The following MARCHF1 variants were observed in gnomAD, a reference collection of about 807,000 sequenced individuals.
The protein encoded by MARCHF1 is membrane associated ring-CH-type finger 1, also known as E3 ubiquitin-protein ligase MARCHF1.
A neutral mutation model predicts 54.2 loss-of-function variants in MARCHF1; 40 were observed. The ratio of observed to expected loss-of-function variants is 0.74; its 90% CI spans 0.57 to 0.96. MARCHF1 has a LOEUF of 0.96. Among genes scored for constraint, MARCHF1 ranks in the 40% least tolerant of loss-of-function variants. The pLI, the probability that MARCHF1 is intolerant of heterozygous loss-of-function variation, is 0.00. For synonymous variants in MARCHF1, 236 were observed against 236.3 expected (o/e 1.00, Z 0.01); for missense variants, 586 against 656.5 (o/e 0.89, Z 1.17).
At chr4:164,015,566 G>C (rs940396654) in intron 2 of MARCHF1, among the ~76,000 whole-genome samples, 1 of 152,012 alleles carries the variant, frequency 6.6e-6, no homozygotes, top group Non-Finnish European at 1.5e-5. Context: ...TCTAACAAGG[G>C]ATTAACATCC....
At chr4:163,966,500 G>T (rs955281776) in intron 3 of MARCHF1, among the ~76,000 whole-genome samples, 1 of 152,000 alleles carries the variant, frequency 6.6e-6, no homozygotes. Flanking sequence ...ATTAAAAAAT[G>T]AATGAGAATA....
chr4:164,357,807 T>TA (rs1454057427), intron 1 of MARCHF1, among the ~76,000 whole-genome samples: 4 of 152,152 alleles, frequency 2.6e-5, no homozygotes, highest in Admixed American at 2.6e-4. Context: ...ACCAACAGCA[T>TA]AAAACCTTTA....
chr4:163,666,231 G>A (rs756070256), intron 5 of MARCHF1, among the ~76,000 whole-genome samples: 23 of 152,070 alleles, frequency 1.5e-4, no homozygotes, highest in East Asian at 1.9e-4. Context: ...ATACTATCAC[G>A]TGGTTTGATA....
chr4:164,122,707 T>C (rs925238383), intron 1 of MARCHF1, among the ~76,000 whole-genome samples: 1 of 152,024 alleles, frequency 6.6e-6, no homozygotes, highest in Non-Finnish European at 1.5e-5. Context: ...CTGTTTAATC[T>C]CTGCCCCTAA....
At chr4:163,626,540 T>C (rs1281012074) in intron 5 of MARCHF1, among the ~76,000 whole-genome samples, 1 of 152,232 alleles carries the variant, frequency 6.6e-6, no homozygotes, top group Non-Finnish European at 1.5e-5. Context: ...TGGGAAATAC[T>C]GCTGCAGAAG....
Position 163,881,870 on chromosome 4 carries a change from C to T in MARCHF1, c.-38-27701G>A, listed in dbSNP as rs893625231. ...TCTACCTGTTGTACATGAGCAGACA[C>T]GGTAGTCTAATGTTTCTCAACTGTC... On this transcript the variant is annotated intron_variant, in intron 3 of 9. Coordinates refer to ENST00000514618, the MANE Select transcript of MARCHF1 (RefSeq NM_001394959.1). Among the ~76,000 whole-genome samples the T allele has an allele frequency of 4.6e-5, 7 of 152,132 alleles. No homozygotes were observed. The East Asian group carries it at 7.7e-4, about 17-fold the overall frequency.
At chr4:164,302,398 TTAGTA>T (rs1734584133) in intron 1 of MARCHF1, among the ~76,000 whole-genome samples, 1 of 152,112 alleles carries the variant, frequency 6.6e-6, no homozygotes, top group Non-Finnish European at 1.5e-5. Context: ...AAAATATAAT[TTAGTA>T]GTTTAAAAAT....
At chr4:163,638,847 T>C (rs1742448497) in intron 5 of MARCHF1, among the ~76,000 whole-genome samples, 1 of 152,218 alleles carries the variant, frequency 6.6e-6, no homozygotes, top group South Asian at 2.1e-4. Context: ...CAATAGAATA[T>C]TTATTAGTCT....
chr4:163,978,040 C>G (rs922006519), intron 3 of MARCHF1, among the ~76,000 whole-genome samples: 5 of 152,118 alleles, frequency 3.3e-5, no homozygotes, highest in African/African-American at 1.2e-4. Flanking sequence ...TAAAGGTTAG[C>G]ATGTATTTCG....
chr4:164,059,674 A>G (rs935596422), intron 2 of MARCHF1, among the ~76,000 whole-genome samples: 2 of 152,224 alleles, frequency 1.3e-5, no homozygotes, highest in African/African-American at 2.4e-5. Flanking sequence ...ACCTGATGCA[A>G]ATAAATACAG....
chr4:163,877,969 G>A (rs1361574980), intron 3 of MARCHF1, among the ~76,000 whole-genome samples: 1 of 152,172 alleles, frequency 6.6e-6, no homozygotes. Flanking sequence ...AGAGAGAGGG[G>A]AAAACAAACA....
intron 1 of MARCHF1, among the ~76,000 whole-genome samples, chr4:164,168,703 C>G (rs1730446679): frequency 6.7e-6 from 1 of 149,074 alleles, no homozygotes; most frequent in Non-Finnish European, 1.5e-5. Context: ...CACATAGACA[C>G]TCCTACAGTT....
Position 163,529,065 on chromosome 4 carries a change from A to G in MARCHF1, c.1340-19T>C. The G allele has an allele frequency of 6.3e-7, 1 of 1,576,670 alleles. No individual in the cohort carries two copies. Among genetic ancestry groups the G allele is most frequent in the African/African-American group, 1.4e-5 (1 of 73,458 alleles). On this transcript the variant is annotated intron_variant, in intron 9 of 9. Transcript: ENST00000514618. ...AGGACACCTTTGAAATGAAAAAGAG[A>G]AAATGTTATCACCAAGTTGTCCTCA...
intron 4 of MARCHF1, among the ~76,000 whole-genome samples, chr4:163,725,349 G>C (rs1745619160): frequency 6.6e-6 from 1 of 151,958 alleles, no homozygotes; most frequent in African/African-American, 2.4e-5. Context: ...ATGGTGGCAT[G>C]CACCTGTAAT....
intron 3 of MARCHF1, among the ~76,000 whole-genome samples, chr4:163,884,756 A>C (rs1256169190): frequency 1.3e-5 from 2 of 152,178 alleles, no homozygotes; most frequent in Admixed American, 1.3e-4. Flanking sequence ...AGGAAATACC[A>C]GGAGGCAGCC....
intron 4 of MARCHF1, among the ~76,000 whole-genome samples, chr4:163,817,511 T>G (rs1347141663): frequency 6.6e-6 from 1 of 151,426 alleles, no homozygotes; most frequent in African/African-American, 2.4e-5. Flanking sequence ...AAGCACATCT[T>G]TGGTGTACAA....
chr4:164,302,232 A>G (rs1349322410), intron 1 of MARCHF1, among the ~76,000 whole-genome samples: 1 of 152,122 alleles, frequency 6.6e-6, no homozygotes, highest in Admixed American at 6.6e-5. Context: ...CTTATCAAAG[A>G]CACTCTGGGA....
At chr4:164,246,925 T>G (rs1311454605) in intron 1 of MARCHF1, among the ~76,000 whole-genome samples, 1 of 99,118 alleles carries the variant, frequency 1.0e-5, no homozygotes, top group Non-Finnish European at 2.0e-5. Context: ...TCACACCAGT[T>G]AGAATGGCAA....
chr4:163,923,348 G>C (rs578232860), intron 3 of MARCHF1, among the ~76,000 whole-genome samples: 2 of 152,074 alleles, frequency 1.3e-5, no homozygotes, highest in Non-Finnish European at 2.9e-5. Flanking sequence ...TTCTTTTTCA[G>C]TTCCCTGTAA....
Sources: gnomAD v4.1 joint callset for allele counts (sites outside exome capture counted in the v4.1 genomes callset) on GRCh38, gnomAD v4.1.1 for gene constraint, MANE v1.5 for transcripts, NCBI Gene and HGNC (gene_info 2026-07-23, HGNC 2026-07-21) for gene names.